Variants in NCKAP5 observed in about 807,000 individuals in gnomAD.
The protein encoded by NCKAP5 is NCK associated protein 5.
NCKAP5 carries 92 observed loss-of-function variants against 167.0 expected under a neutral mutation model. The ratio of observed to expected loss-of-function variants is 0.55; its 90% confidence interval spans 0.47 to 0.66. The LOEUF is 0.66. NCKAP5 is among the 30% of genes least tolerant of loss of function. The pLI is 0.00. For synonymous variants in NCKAP5, 891 were observed against 877.4 expected (o/e 1.02, Z -0.27); for missense variants, 2,378 against 2,315.0 (o/e 1.03, Z -0.56).
At chr2:133,381,295 C>A (rs1686503484) in intron 3 of NCKAP5, among the ~76,000 whole-genome samples, 1 of 152,148 alleles carries the variant, frequency 6.6e-6, no homozygotes. Context: ...CAATGGATAT[C>A]ACAGGTACTC....
At chr2:133,660,734 G>T in the NCKAP5 span, among the ~76,000 whole-genome samples, 4 of 152,056 alleles carry the variant, frequency 2.6e-5, no homozygotes, top group African/African-American at 9.7e-5. Context: ...CCTTTGCTGT[G>T]AGCCTCCCTG....
chr2:133,318,688 CT>C (rs1190954015), intron 3 of NCKAP5, among the ~76,000 whole-genome samples: 1 of 152,166 alleles, frequency 6.6e-6, no homozygotes, highest in Non-Finnish European at 1.5e-5. Flanking sequence ...CATACGGCAA[CT>C]TTTAAGTTGA....
At chr2:133,393,208 GTTGAAACCA>G in intron 3 of NCKAP5, among the ~76,000 whole-genome samples, 1 of 152,324 alleles carries the variant, frequency 6.6e-6, no homozygotes, top group South Asian at 2.1e-4. Context: ...AGAGATTCAA[GTTGAAACCA>G]TTGGGCCATT....
chr2:133,548,730 G>T (rs948123116), intron 2 of NCKAP5, among the ~76,000 whole-genome samples: 4 of 149,708 alleles, frequency 2.7e-5, no homozygotes, highest in African/African-American at 4.9e-5. Context: ...TGAAGGAAGC[G>T]CTAAACATGG....
intron 8 of NCKAP5, among the ~76,000 whole-genome samples, chr2:132,954,196 T>G (rs1473962144): frequency 6.6e-6 from 1 of 152,188 alleles, no homozygotes; most frequent in African/African-American, 2.4e-5. Flanking sequence ...GAAGGAATAC[T>G]AAGATTTCCC....
chr2:132,725,685 A>T lies in NCKAP5; in HGVS notation c.5655T>A (p.Asp1885Glu). The change falls in exon 19 of 20, where the codon GAT becomes GAA. Residue 1885 changes from aspartate to glutamate, a missense_variant. Coordinates refer to ENST00000409261, the MANE Select transcript of NCKAP5 (RefSeq NM_207363.3). ...GTCCCCTTCCAGCTCCAAAACCATT[A>T]TCTCCATAGTCCAGGTCACTGTCAC... ...SNSDSDLDYG[D>E]NGFGAGRGQL... The T allele has an allele frequency of 1.9e-6, 3 of 1,613,260 alleles. No individual in the cohort carries two copies. The highest frequency in any genetic ancestry group is 2.5e-6 in the Non-Finnish European group (3 of 1,179,664).
chr2:133,023,827 A>G (rs1329405116), intron 6 of NCKAP5, among the ~76,000 whole-genome samples: 2 of 152,150 alleles, frequency 1.3e-5, no homozygotes, highest in Non-Finnish European at 2.9e-5. Flanking sequence ...TATGTACCAC[A>G]TTTTTAAAAT....
At chr2:133,386,915 C>G (rs553753526) in intron 3 of NCKAP5, among the ~76,000 whole-genome samples, 1 of 152,230 alleles carries the variant, frequency 6.6e-6, no homozygotes, top group African/African-American at 2.4e-5. Flanking sequence ...CATCCTCCAT[C>G]CCTTTATTTT....
chr2:132,947,181 A>G (rs927573939), intron 8 of NCKAP5, among the ~76,000 whole-genome samples: 7 of 152,222 alleles, frequency 4.6e-5, no homozygotes, highest in African/African-American at 1.7e-4. Flanking sequence ...TAGGAGGACT[A>G]TAAGAACGAT....
the NCKAP5 span, among the ~76,000 whole-genome samples, chr2:133,650,885 TAAAC>T: frequency 6.6e-6 from 1 of 151,652 alleles, no homozygotes; most frequent in Non-Finnish European, 1.5e-5. Flanking sequence ...CTGTCTTAAA[TAAAC>T]AAACAAACAA....
intron 4 of NCKAP5, among the ~76,000 whole-genome samples, chr2:133,256,805 C>T (rs564696222): frequency 5.3e-4 from 80 of 152,240 alleles, no homozygotes; most frequent in Admixed American, 1.5e-3. Context: ...CATAAATGTG[C>T]TCAGGTAAGT....
At chr2:132,771,553 G>A (rs1682048738) in intron 16 of NCKAP5, among the ~76,000 whole-genome samples, 1 of 152,254 alleles carries the variant, frequency 6.6e-6, no homozygotes, top group African/African-American at 2.4e-5. Flanking sequence ...GAATTCTACA[G>A]TAGTGTAAGG....
At chr2:132,779,695 T>C (rs546224638) in intron 15 of NCKAP5, among the ~76,000 whole-genome samples, 3 of 152,206 alleles carry the variant, frequency 2.0e-5, no homozygotes, top group African/African-American at 7.2e-5. Flanking sequence ...AGTCAAGAGC[T>C]ATTTGAATAA....
intron 3 of NCKAP5, among the ~76,000 whole-genome samples, chr2:133,441,357 C>G (rs778347534): frequency 2.6e-5 from 4 of 152,100 alleles, no homozygotes; most frequent in Non-Finnish European, 5.9e-5. Context: ...AAATAGATTC[C>G]TGAGGAAAAG....
intron 6 of NCKAP5, among the ~76,000 whole-genome samples, chr2:133,072,096 T>G (rs1361138418): frequency 7.1e-6 from 1 of 140,036 alleles, no homozygotes; most frequent in African/African-American, 2.6e-5. Context: ...TTTTTTTTCT[T>G]TTTTTGAGAC....
At chr2:133,424,360 A>G (rs1437399259) in intron 3 of NCKAP5, among the ~76,000 whole-genome samples, 1 of 152,100 alleles carries the variant, frequency 6.6e-6, no homozygotes, top group Non-Finnish European at 1.5e-5. Context: ...TGGCCACCCA[A>G]CTTGCTACTA....
the NCKAP5 span, among the ~76,000 whole-genome samples, chr2:133,645,692 T>C: frequency 6.6e-6 from 1 of 152,114 alleles, no homozygotes; most frequent in Non-Finnish European, 1.5e-5. Flanking sequence ...CAAAAATACC[T>C]ACATGAAGAC....
intron 19 of NCKAP5, among the ~76,000 whole-genome samples, chr2:132,692,705 C>T (rs530200375): frequency 4.9e-4 from 75 of 152,298 alleles, no homozygotes; most frequent in African/African-American, 1.7e-3. Context: ...AAGATATAAA[C>T]ATTTCTCTAA....
intron 3 of NCKAP5, among the ~76,000 whole-genome samples, chr2:133,313,656 T>G (rs552892161): frequency 6.6e-6 from 1 of 152,118 alleles, no homozygotes; most frequent in Non-Finnish European, 1.5e-5. Flanking sequence ...TTTGTTTTTT[T>G]TTTCTGAGGT....
Sources: allele counts gnomAD v4.1 joint callset (sites outside exome capture counted in the v4.1 genomes callset), GRCh38; gene constraint gnomAD v4.1.1; transcripts MANE v1.5; gene names NCBI Gene and HGNC (gene_info 2026-07-23, HGNC 2026-07-21).